The following ITGA8 variants were observed in gnomAD, a reference collection of about 807,000 sequenced individuals.
ITGA8 encodes the protein integrin subunit alpha 8, also known as integrin alpha-8.
A neutral mutation model predicts 142.3 loss-of-function variants in ITGA8; 91 were observed. The observed-to-expected ratio is 0.64, with a 90% CI of 0.54 to 0.76. ITGA8 has a LOEUF of 0.76. Ranked by LOEUF, ITGA8 falls within the 30% of genes least tolerant of loss-of-function variation. The probability of loss-of-function intolerance (pLI) is 0.00; values close to 1 mark genes in which losing one functional copy is unlikely to be tolerated. For synonymous variants in ITGA8, 505 were observed against 485.2 expected (o/e 1.04, Z -0.54); for missense variants, 1,406 against 1,327.7 (o/e 1.06, Z -0.92).
Position 15,650,410 on chromosome 10 carries a change from G to A in ITGA8, c.1002-3359C>T, listed in dbSNP as rs1453085878. Among the ~76,000 whole-genome samples the A allele has an allele frequency of 4.6e-5, 7 of 152,192 alleles. No homozygotes were observed. In the East Asian group the frequency reaches 1.2e-3, roughly 25 times the overall value. ...AACTTTTAGTAGGTAATTAGGATTA[G>A]ATAAGGCCATCAAGGTGGAGCCCCA... is the stretch of plus-strand genomic sequence containing the variant. On this transcript the variant is annotated intron_variant, in intron 11 of 29. Transcript: ENST00000378076.
At chr10:15,540,801 T>C (rs1375203591) in intron 27 of ITGA8, among the ~76,000 whole-genome samples, 4 of 152,124 alleles carry the variant, frequency 2.6e-5, no homozygotes, top group Non-Finnish European at 4.4e-5. Flanking sequence ...AGACCTGGTA[T>C]AGACAGGATG....
chr10:15,651,325 A>G (rs1411222691), intron 11 of ITGA8, among the ~76,000 whole-genome samples: 1 of 152,222 alleles, frequency 6.6e-6, no homozygotes, highest in Non-Finnish European at 1.5e-5. Flanking sequence ...GGAAGTCTTG[A>G]GATAACGAAA....
intron 13 of ITGA8, among the ~76,000 whole-genome samples, chr10:15,617,122 A>G (rs886306604): frequency 2.0e-5 from 3 of 152,262 alleles, no homozygotes; most frequent in Admixed American, 1.3e-4. Flanking sequence ...CAGCAATCCT[A>G]ATAAATAGCA....
intron 2 of ITGA8, among the ~76,000 whole-genome samples, chr10:15,713,460 G>A (rs1024792767): frequency 6.6e-6 from 1 of 152,106 alleles, no homozygotes. Context: ...ACGTATTAGA[G>A]CACAGATTTC....
chr10:15,523,086 T>G (rs528373019), intron 28 of ITGA8, among the ~76,000 whole-genome samples: 96 of 152,324 alleles, frequency 6.3e-4, no homozygotes, highest in Middle Eastern at 3.4e-3. Context: ...AGTTCAAGTT[T>G]TATAAGTTAG....
chr10:15,521,184 A>ATT (rs139118535), intron 28 of ITGA8, among the ~76,000 whole-genome samples: 35 of 147,216 alleles, frequency 2.4e-4, no homozygotes, highest in Middle Eastern at 3.6e-3. Context: ...ACACCCAGCT[A>ATT]TTTTTTTTTT....
intron 14 of ITGA8, 139 bp from the exon 15 acceptor site, chr10:15,613,906 C>G: frequency 1.6e-6 from 1 of 620,748 alleles, no homozygotes; most frequent in South Asian, 2.0e-5. Context: ...GCATTTGTGC[C>G]AAGAATTTTG....
intron 17 of ITGA8, among the ~76,000 whole-genome samples, chr10:15,607,244 A>G (rs1588671732): frequency 1.3e-5 from 2 of 152,214 alleles, no homozygotes. Context: ...ACTTTAAATA[A>G]GATAATTATA....
At chr10:15,677,951 G>A (rs1834663132) in intron 5 of ITGA8, among the ~76,000 whole-genome samples, 1 of 152,142 alleles carries the variant, frequency 6.6e-6, no homozygotes, top group Admixed American at 6.5e-5. Flanking sequence ...TTAGTGCTGT[G>A]CAGTTTTGCA....
At chr10:15,706,631 G>A (rs555745874) in intron 2 of ITGA8, among the ~76,000 whole-genome samples, 2 of 152,170 alleles carry the variant, frequency 1.3e-5, no homozygotes, top group African/African-American at 4.8e-5. Flanking sequence ...GTAGAGATAG[G>A]ATCTTGCTAC....
At chr10:15,551,061 A>G (rs1442731305) in intron 26 of ITGA8, among the ~76,000 whole-genome samples, 3 of 152,120 alleles carry the variant, frequency 2.0e-5, no homozygotes, top group Non-Finnish European at 4.4e-5. Context: ...GGTGCTGGTA[A>G]CACTGAGACT....
intron 27 of ITGA8, among the ~76,000 whole-genome samples, chr10:15,533,790 T>C (rs973468132): frequency 2.0e-5 from 3 of 152,252 alleles, no homozygotes; most frequent in Non-Finnish European, 4.4e-5. Context: ...ATTTGAACTC[T>C]AGGATGTAGA....
chr10:15,528,969 T>TC (rs1183363048), intron 28 of ITGA8, among the ~76,000 whole-genome samples: 1 of 150,566 alleles, frequency 6.6e-6, no homozygotes, highest in African/African-American at 2.5e-5. Flanking sequence ...TTTCCTTCCT[T>TC]CTTTCTTTCC....
chr10:15,685,828 CT>C (rs1333059772), intron 3 of ITGA8, among the ~76,000 whole-genome samples: 1 of 152,090 alleles, frequency 6.6e-6, no homozygotes, highest in Non-Finnish European at 1.5e-5. Flanking sequence ...GATCTGGCTG[CT>C]TTTTTAGAAG....
chr10:15,628,628 G>A lies in ITGA8; in HGVS notation c.1400-12069C>T, dbSNP rs117096411. On this transcript the variant is annotated intron_variant, in intron 13 of 29. Transcript: ENST00000378076. ...ATTACAGGTGTGAGCCACCGCGCCCGGCCAGATTCACCTCTACTTCTTGCA... is the reference window on the plus strand; with the variant it reads ...ATTACAGGTGTGAGCCACCGCGCCCAGCCAGATTCACCTCTACTTCTTGCA... 5.9e-3 allele frequency among the ~76,000 whole-genome samples: 893 copies of A among 151,616 alleles called. 5 individuals are homozygous for A. Among genetic ancestry groups the A allele is most frequent in the Non-Finnish European group, 9.1e-3 (617 of 67,934 alleles).
rs71374633 is a variant in ITGA8 at position 15,565,573 on chromosome 10, A to ATTTTTTTT, written c.2637+6630_2637+6637dup. On this transcript the variant is annotated intron_variant, in intron 25 of 29. Coordinates refer to ENST00000378076, the MANE Select transcript of ITGA8 (RefSeq NM_003638.3). ...ATAATCTTCTTCCTTTCATGTCCTG[A>ATTTTTTTT]TTTTTTTTTTTTTTTTTTTTTTTTT... Among the ~76,000 whole-genome samples the ATTTTTTTT allele has an allele frequency of 5.0e-3, 174 of 34,790 alleles. 25 individuals are homozygous for ATTTTTTTT. The highest frequency in any genetic ancestry group is 6.2e-3 in the Non-Finnish European group (122 of 19,704). The allele number at this position is 34,790 out of a possible 152,430, so 22.8% of individuals were successfully genotyped here.
intron 21 of ITGA8, among the ~76,000 whole-genome samples, chr10:15,594,449 C>T (rs530468428): frequency 1.3e-5 from 2 of 152,130 alleles, no homozygotes; most frequent in African/African-American, 4.8e-5. Flanking sequence ...ATTGCCGACT[C>T]TAGCTTAGAA....
At chr10:15,534,026 C>G (rs1833367257) in intron 27 of ITGA8, among the ~76,000 whole-genome samples, 3 of 152,128 alleles carry the variant, frequency 2.0e-5, no homozygotes, top group Non-Finnish European at 4.4e-5. Flanking sequence ...CCTGCCTCAG[C>G]CTCCCAAGTA....
At chr10:15,540,685 G>T (rs537419562) in intron 27 of ITGA8, among the ~76,000 whole-genome samples, 1 of 152,314 alleles carries the variant, frequency 6.6e-6, no homozygotes, top group African/African-American at 2.4e-5. Context: ...GAATGGGCTG[G>T]CTGGGCACAG....
Sources: gnomAD v4.1 joint callset for allele counts (sites outside exome capture counted in the v4.1 genomes callset) on GRCh38, gnomAD v4.1.1 for gene constraint, MANE v1.5 for transcripts, NCBI Gene and HGNC (gene_info 2026-07-23, HGNC 2026-07-21) for gene names.